DLGAP1: variants seen among roughly 807,000 people sequenced by gnomAD.
DLGAP1 encodes the protein DLG associated protein 1, also known as disks large-associated protein 1.
Under a neutral mutation model 90.8 loss-of-function variants are expected in DLGAP1, and 11 were observed. That is an observed-to-expected ratio of 0.12 (90% CI 0.08 to 0.20). The LOEUF (loss-of-function observed/expected upper bound fraction) is 0.20. Ranked by LOEUF, DLGAP1 falls within the 10% of genes least tolerant of loss-of-function variation. The pLI, the probability that DLGAP1 is intolerant of heterozygous loss-of-function variation, is 1.00. For missense variants in DLGAP1, 1,050 were observed against 1,333.8 expected, an observed-to-expected ratio of 0.79 and a Z score of 3.31; for synonymous variants, 558 against 540.7, an observed-to-expected ratio of 1.03 and a Z score of -0.44.
intron 2 of DLGAP1, among the ~76,000 whole-genome samples, chr18:4,120,480 T>C (rs1266268244): frequency 6.6e-6 from 1 of 152,222 alleles, no homozygotes; most frequent in Non-Finnish European, 1.5e-5. Flanking sequence ...TGTGAACCAC[T>C]GAGACATAGC....
rs2082060871 is a variant in DLGAP1 at position 4,378,628 on chromosome 18, A to G, written c.-267+76378T>C. The stretch of plus-strand genomic sequence containing the variant: ...AATCCATGGTGGGGAGGCACACTAC[A>G]CAATTTGAAAGCACCTAAGGTGCTC... On this transcript the variant is annotated intron_variant, in intron 1 of 12. Coordinates refer to ENST00000315677, the MANE Select transcript of DLGAP1 (RefSeq NM_004746.4). This position sits in a 1 kb window ranked among gnomAD's most constrained non-coding sequence, Gnocchi z 4.5. Among the ~76,000 whole-genome samples, 1 of 152,142 alleles carries G rather than the reference A, an allele frequency of 6.6e-6. No homozygotes were observed. The highest frequency in any genetic ancestry group is 2.4e-5 in the African/African-American group (1 of 41,434).
In DLGAP1 at chr18:4,145,922, G is replaced by C. The variant is rs2076578591; in HGVS notation, c.-159+5258C>G. Among the ~76,000 whole-genome samples the C allele has an allele frequency of 2.0e-5, 3 of 152,074 alleles. No homozygotes were observed. In the South Asian group the frequency reaches 6.2e-4, roughly 32 times the overall value. On this transcript the variant is annotated intron_variant, in intron 2 of 12. Coordinates refer to ENST00000315677, the MANE Select transcript of DLGAP1 (RefSeq NM_004746.4). Reference sequence around the variant, plus strand: ...GAATCACTCTTGATGAAAAAGGCCTGACTTGACACATGAAACCATCAGCAA... The same window carrying C: ...GAATCACTCTTGATGAAAAAGGCCTCACTTGACACATGAAACCATCAGCAA...
At chr18:4,367,590 C>T (rs1383689300) in intron 1 of DLGAP1, among the ~76,000 whole-genome samples, 1 of 152,128 alleles carries the variant, frequency 6.6e-6, no homozygotes, top group Admixed American at 6.6e-5. Flanking sequence ...GCAGCTTCTT[C>T]AAGAAACTTA....
At chr18:4,098,020 C>A (rs1316801423) in intron 2 of DLGAP1, among the ~76,000 whole-genome samples, 1 of 152,148 alleles carries the variant, frequency 6.6e-6, no homozygotes, top group Non-Finnish European at 1.5e-5. Context: ...CTCAATCGAT[C>A]CTCCCACCTC....
chr18:4,230,172 C>A (rs1343972301), intron 1 of DLGAP1, among the ~76,000 whole-genome samples: 1 of 152,084 alleles, frequency 6.6e-6, no homozygotes, highest in Non-Finnish European at 1.5e-5. Flanking sequence ...AACCCTCATA[C>A]ACTGTTGGTA....
At chr18:3,552,934 A>AT (rs1174953022) in intron 9 of DLGAP1, among the ~76,000 whole-genome samples, 1 of 150,742 alleles carries the variant, frequency 6.6e-6, no homozygotes, top group Non-Finnish European at 1.5e-5. Context: ...TGTCACTTCC[A>AT]TATCTGCTTT....
Position 3,729,174 on chromosome 18 carries a change from G to T in DLGAP1, c.1552C>A (p.Arg518Ser). ...CVSLRSSSPP[R>S]TTTTVRTIQS... ...ATGGTCCTAACGGTGGTGGTGGTGCGCGGCGGCGAGGACGACCTCAGGGAC... is the reference window on the plus strand; with the variant it reads ...ATGGTCCTAACGGTGGTGGTGGTGCTCGGCGGCGAGGACGACCTCAGGGAC... Residue 518 changes from arginine to serine, a missense_variant, in exon 7 of 13, where the codon CGC (arginine) becomes AGC (serine). By Grantham distance (110) the Arg-to-Ser change is moderately radical. Around this residue, in one of 2 missense-constraint regions of DLGAP1, gnomAD observed 565 missense variants for 879.7 expected, o/e 0.64. Transcript: ENST00000315677. This position sits in a 1 kb window ranked among gnomAD's most constrained non-coding sequence, Gnocchi z 6.2. The T allele has an allele frequency of 6.2e-7, 1 of 1,613,280 alleles. No individual in the cohort carries two copies. The highest frequency in any genetic ancestry group is 1.7e-5 in the Admixed American group (1 of 59,974).
At chr18:3,560,648 T>C (rs12458948) in intron 9 of DLGAP1, among the ~76,000 whole-genome samples, 28,523 of 149,210 alleles carry the variant, frequency 0.19, 3,442 homozygotes, top group East Asian at 0.3. Flanking sequence ...GGCAGCAAGC[T>C]GCACATTTTT....
At chr18:3,580,866 G>A (rs940585979) in intron 8 of DLGAP1, 30 of 1,106,870 alleles carry the variant, frequency 2.7e-5, no homozygotes, top group East Asian at 1.5e-4. Flanking sequence ...GAGTGTGGCC[G>A]GTTGTACCCT....
chr18:3,846,761 A>C (rs2069040316), intron 4 of DLGAP1, among the ~76,000 whole-genome samples: 2 of 152,208 alleles, frequency 1.3e-5, no homozygotes. Context: ...CTATAGGGAC[A>C]GAAAAGTAGA....
intron 11 of DLGAP1, among the ~76,000 whole-genome samples, chr18:3,508,246 G>C (rs1449256382): frequency 6.6e-6 from 1 of 152,102 alleles, no homozygotes; most frequent in Non-Finnish European, 1.5e-5. Context: ...GAAATATCAA[G>C]CTGCTTCATA....
At chr18:4,280,115 A>G (rs1358037439) in intron 1 of DLGAP1, among the ~76,000 whole-genome samples, 1 of 152,178 alleles carries the variant, frequency 6.6e-6, no homozygotes, top group Non-Finnish European at 1.5e-5. Flanking sequence ...TTTAGCTTCA[A>G]CATGAACTTC....
In DLGAP1 at chr18:4,344,058, T is replaced by C. The variant is rs150123047; in HGVS notation, c.-267+110948A>G. ...AGATTTTGAATGTATGAATATTTTA[T>C]TTAAAATTCTATAAAGTGTCCCGTT... On this transcript the variant is annotated intron_variant, in intron 1 of 12. Transcript: ENST00000315677. Among the ~76,000 whole-genome samples, 494 of 152,338 alleles carry C rather than the reference T, an allele frequency of 3.2e-3. 2 individuals are homozygous for C. The highest frequency in any genetic ancestry group is 0.01 in the Middle Eastern group (3 of 294).
In DLGAP1 at chr18:3,821,819, A is replaced by G. The variant is rs2067435974; in HGVS notation, c.958-7546T>C. On this transcript the variant is annotated intron_variant, in intron 4 of 12. Transcript: ENST00000315677. ...CCTGGACTTTAGGTTCCTGCCTACA[A>G]CTTTTTAGAGAAATGGCTGTAATGT... The G allele has an allele frequency of 3.7e-6, 3 of 812,318 alleles. No homozygotes were observed. The African/African-American group carries it at 5.6e-5, about 15-fold the overall frequency. 50.3% of individuals were successfully genotyped at this position (812,318 alleles called of 1,614,324 possible).
At chr18:4,429,431 A>C (rs2083231296) in intron 1 of DLGAP1, among the ~76,000 whole-genome samples, 1 of 152,234 alleles carries the variant, frequency 6.6e-6, no homozygotes, top group South Asian at 2.1e-4. Context: ...GAACATTTAT[A>C]AAGTATTTTG....
chr18:4,405,907 G>A (rs542481901), intron 1 of DLGAP1, among the ~76,000 whole-genome samples: 1 of 152,262 alleles, frequency 6.6e-6, no homozygotes, highest in African/African-American at 2.4e-5. Context: ...AGCAACTAAA[G>A]AACGAAGGAA....
chr18:4,039,992 T>C (rs2149145503), intron 2 of DLGAP1, among the ~76,000 whole-genome samples: 1 of 152,356 alleles, frequency 6.6e-6, no homozygotes, highest in East Asian at 1.9e-4. Context: ...TTCGCTTTAA[T>C]TCCTTTCTGC....
chr18:4,396,002 T>A (rs1421079403), intron 1 of DLGAP1, among the ~76,000 whole-genome samples: 1 of 152,120 alleles, frequency 6.6e-6, no homozygotes, highest in Non-Finnish European at 1.5e-5. Context: ...CCCTGTAGAA[T>A]ACAAACATAT....
At chr18:3,688,710 G>A (rs1010804636) in intron 7 of DLGAP1, among the ~76,000 whole-genome samples, 4 of 150,326 alleles carry the variant, frequency 2.7e-5, no homozygotes, top group Admixed American at 6.7e-5. Context: ...TGGGAAGCAG[G>A]TAAAGGAATG....
Sources: gnomAD v4.1 joint callset for allele counts (sites outside exome capture counted in the v4.1 genomes callset) on GRCh38, gnomAD v4.1.1 for gene constraint, gnomAD v4.1.1 regional missense constraint, Gnocchi (gnomAD v3.1) non-coding constraint, MANE v1.5 for transcripts, NCBI Gene and HGNC (gene_info 2026-07-23, HGNC 2026-07-21) for gene names.